IL31RA: variants seen among roughly 807,000 people sequenced by gnomAD.
IL31RA encodes interleukin-31 receptor subunit alpha.
A neutral mutation model predicts 83.7 loss-of-function variants in IL31RA; 66 were observed. The ratio of observed to expected loss-of-function variants is 0.79; its 90% CI spans 0.65 to 0.97. IL31RA has a LOEUF of 0.97. Ranked by LOEUF, IL31RA falls within the 50% of genes least tolerant of loss-of-function variation. IL31RA has a pLI of 0.00. For missense variants in IL31RA, 798 were observed against 919.4 expected (o/e 0.87, Z 1.71); for synonymous variants, 325 against 329.0 (o/e 0.99, Z 0.13).
At chr5:55,864,708 TACCACACATAC>T (rs929250938) in intron 2 of IL31RA, among the ~76,000 whole-genome samples, 1 of 142,418 alleles carries the variant, frequency 7.0e-6, no homozygotes, top group African/African-American at 2.6e-5. Context: ...ACTACACACA[TACCACACATAC>T]ACCACACATA....
intron 7 of IL31RA, among the ~76,000 whole-genome samples, chr5:55,897,015 A>ATATATATATATATATATATATATAT (rs1413221761): frequency 1.2e-3 from 1 of 844 alleles, no homozygotes; most frequent in Admixed American, 0.029. Context: ...ATATATATAT[A>ATATATATATATATATATATATATAT]TTTTTTTTTT....
intron 5 of IL31RA, among the ~76,000 whole-genome samples, chr5:55,889,232 T>A (rs1017956601): frequency 6.6e-6 from 1 of 152,334 alleles, no homozygotes; most frequent in Non-Finnish European, 1.5e-5. Flanking sequence ...TTAGTTTCTC[T>A]TGGAGAGCTG....
chr5:55,847,226 GAAA>G (rs57491641), upstream of IL31RA, among the ~76,000 whole-genome samples: 535 of 118,796 alleles, frequency 4.5e-3, 15 homozygotes, highest in African/African-American at 0.012. Flanking sequence ...CTGGGCAACA[GAAA>G]AAAAAAAAAA....
chr5:55,890,151 C>T lies in IL31RA; in HGVS notation c.772+16C>T, dbSNP rs781328551. 1.1e-5 allele frequency: 17 copies of T among 1,612,130 alleles called. No homozygotes were observed. In the East Asian group the frequency reaches 2.2e-4, roughly 21 times the overall value. On this transcript the variant is annotated intron_variant, in intron 6 of 14. Coordinates refer to ENST00000652347, the MANE Select transcript of IL31RA (RefSeq NM_139017.7). ...GAGGAAGAAGGCAAGCTACTCCCTG[C>T]GATTCCCGTCCTGTCTGCTCTGGTG...
chr5:55,916,833 G>A lies in IL31RA; in HGVS notation c.2008G>A (p.Gly670Arg). The A allele has an allele frequency of 6.2e-7, 1 of 1,614,176 alleles. No individual in the cohort carries two copies. The highest frequency in any genetic ancestry group is 1.7e-5 in the Admixed American group (1 of 60,020). ...AAACAATTTAGGAGGGGAAAAGAAT[G>A]GGTATGTGACCTGCCCCTTCAGGCC... ...QENNLGGEKN[G>R]YVTCPFRPDC... Residue 670 changes from glycine to arginine, a missense_variant, in exon 15 of 15, where the codon GGG becomes AGG. Transcript: ENST00000652347.
In IL31RA at chr5:55,908,306, G is replaced by T. The variant is rs200232121; in HGVS notation, c.1396G>T (p.Val466Leu). 6.2e-7 allele frequency: 1 copy of T among 1,614,176 alleles called. No individual in the cohort carries two copies. ...GPETKVENIG[V>L]KTVTITWKEI... ...TGAGACCAAGGTGGAGAACATTGGCGTGAAGACGGTCACGATCACATGGAA... is the reference window on the plus strand; with the variant it reads ...TGAGACCAAGGTGGAGAACATTGGCTTGAAGACGGTCACGATCACATGGAA... Residue 466 changes from valine (V) to leucine (L), a missense_variant, in exon 11 of 15, where the codon GTG becomes TTG. Coordinates refer to ENST00000652347, the MANE Select transcript of IL31RA (RefSeq NM_139017.7).
At chr5:55,867,728 G>A (rs1445502429) in intron 2 of IL31RA, among the ~76,000 whole-genome samples, 2 of 152,164 alleles carry the variant, frequency 1.3e-5, no homozygotes, top group African/African-American at 4.8e-5. Context: ...GGCTGGGGAG[G>A]CCTCAGAATC....
intron 1 of IL31RA, among the ~76,000 whole-genome samples, chr5:55,855,688 C>A (rs1745317990): frequency 6.6e-6 from 1 of 152,174 alleles, no homozygotes; most frequent in Non-Finnish European, 1.5e-5. Context: ...TCCTGTGAGA[C>A]AGGATGTGGG....
chr5:55,910,652 A>C lies in IL31RA; in HGVS notation c.1622A>C (p.Asn541Thr). The change falls in exon 12 of 15, where the codon AAT (asparagine) becomes ACT (threonine). Residue 541 changes from asparagine to threonine, a missense_variant. By Grantham distance (65) the Asn-to-Thr change is moderately conservative. Coordinates refer to ENST00000652347, the MANE Select transcript of IL31RA (RefSeq NM_139017.7). Reference sequence around the variant, plus strand: ...GGGGGAACCAACGGGACCAGCATAAATTTCAAGACATTGTCATTCAGTGAG... The same window carrying C: ...GGGGGAACCAACGGGACCAGCATAACTTTCAAGACATTGTCATTCAGTGAG... The part of the protein sequence containing the change: ...SAGGTNGTSI[N>T]FKTLSFSVFE... The C allele has an allele frequency of 6.2e-7, 1 of 1,614,218 alleles. No individual in the cohort carries two copies. Among genetic ancestry groups the C allele is most frequent in the Non-Finnish European group, 8.5e-7 (1 of 1,180,024 alleles).
At chr5:55,860,337 C>CT (rs2112306365) in intron 2 of IL31RA, among the ~76,000 whole-genome samples, 1 of 149,374 alleles carries the variant, frequency 6.7e-6, no homozygotes, top group East Asian at 2.0e-4. Context: ...CCACGGCACT[C>CT]CAGCCTGGGC....
At chr5:55,892,488 T>C (rs558878210) in intron 6 of IL31RA, among the ~76,000 whole-genome samples, 2 of 152,358 alleles carry the variant, frequency 1.3e-5, no homozygotes, top group African/African-American at 4.8e-5. Flanking sequence ...AGATGTTTGG[T>C]GCATTCACCA....
intron 14 of IL31RA, among the ~76,000 whole-genome samples, chr5:55,915,872 C>T (rs1226845482): frequency 6.6e-6 from 1 of 152,194 alleles, no homozygotes; most frequent in East Asian, 1.9e-4. Flanking sequence ...TCACTACATG[C>T]CAGGTGCTGG....
In IL31RA at chr5:55,918,803, C is replaced by A. The variant is rs545227459; in HGVS notation, c.*1683C>A. On this transcript the variant is annotated 3_prime_UTR_variant, in exon 15 of 15. Coordinates refer to ENST00000652347, the MANE Select transcript of IL31RA (RefSeq NM_139017.7). ...TCTCCAGCGGCTGCAGCCACCCCCC[C>A]ACCACCCACCCAGGACTCAGTACTC... Among the ~76,000 whole-genome samples the A allele has an allele frequency of 3.5e-4, 53 of 152,130 alleles. No homozygotes were observed. The highest frequency in any genetic ancestry group is 4.7e-4 in the Non-Finnish European group (32 of 68,034).
intron 4 of IL31RA, among the ~76,000 whole-genome samples, chr5:55,877,045 CT>C (rs1284672644): frequency 1.3e-5 from 2 of 151,894 alleles, no homozygotes; most frequent in Non-Finnish European, 2.9e-5. Context: ...TTTTTTATCC[CT>C]CTTTTTTTCA....
At chr5:55,852,204 CTT>C (rs964446542) in intron 1 of IL31RA, 1 of 152,834 alleles carries the variant, frequency 6.5e-6, no homozygotes, top group Non-Finnish European at 1.5e-5. Context: ...GAGTTTCACT[CTT>C]GTCGCCAGGT....
At chr5:55,912,929 T>C (rs991511850) in intron 12 of IL31RA, among the ~76,000 whole-genome samples, 14 of 152,002 alleles carry the variant, frequency 9.2e-5, no homozygotes, top group Non-Finnish European at 1.6e-4. Flanking sequence ...ATCATGCCAG[T>C]GCACTCCAGC....
Position 55,851,515 on chromosome 5 carries a change from A to G in IL31RA, c.-56A>G. 3.1e-6 allele frequency: 5 copies of G among 1,613,958 alleles called. No homozygotes were observed. In the East Asian group the frequency reaches 8.9e-5, roughly 29 times the overall value. On this transcript the variant is annotated 5_prime_UTR_variant, in exon 1 of 15. Coordinates refer to ENST00000652347, the MANE Select transcript of IL31RA (RefSeq NM_139017.7). ...AGACCATGAAAAGACATGTGTGTGCAGTATGAAAATTGAGACAGGAAGGCA... is the reference window on the plus strand; with the variant it reads ...AGACCATGAAAAGACATGTGTGTGCGGTATGAAAATTGAGACAGGAAGGCA...
chr5:55,845,105 T>C, the IL31RA span, among the ~76,000 whole-genome samples: 1 of 152,190 alleles, frequency 6.6e-6, no homozygotes, highest in African/African-American at 2.4e-5. Context: ...CATATCAGGG[T>C]CTGGTTGTGA....
intron 6 of IL31RA, among the ~76,000 whole-genome samples, chr5:55,893,755 T>C (rs2112488629): frequency 6.6e-6 from 1 of 152,260 alleles, no homozygotes; most frequent in East Asian, 1.9e-4. Context: ...AAATATCAAT[T>C]TAAACTCATT....
Sources: allele counts gnomAD v4.1 joint callset (sites outside exome capture counted in the v4.1 genomes callset), GRCh38; gene constraint gnomAD v4.1.1; transcripts MANE v1.5; gene names NCBI Gene and HGNC (gene_info 2026-07-23, HGNC 2026-07-21).